DCPS: variants seen among roughly 807,000 people sequenced by gnomAD.
The protein encoded by DCPS is decapping enzyme, scavenger, also known as m7GpppX diphosphatase.
A neutral mutation model predicts 34.7 loss-of-function variants in DCPS; 27 were observed. That is an observed-to-expected ratio of 0.78 (90% CI 0.57 to 1.07). The LOEUF (loss-of-function observed/expected upper bound fraction) is 1.07. DCPS is among the 50% of genes least tolerant of loss of function. DCPS has a pLI of 0.00. For missense variants in DCPS, 464 were observed against 436.9 expected (o/e 1.06, Z -0.55); for synonymous variants, 185 against 185.7 (o/e 1.00, Z 0.03).
At chr11:126,310,929 GC>G (rs1479369795) in intron 2 of DCPS, among the ~76,000 whole-genome samples, 6 of 152,350 alleles carry the variant, frequency 3.9e-5, no homozygotes, top group African/African-American at 1.2e-4. Context: ...GCCTAGGGGA[GC>G]CCCCACCCCT....
intron 2 of DCPS, among the ~76,000 whole-genome samples, chr11:126,310,618 A>AC (rs1171906635): frequency 6.6e-6 from 1 of 152,152 alleles, no homozygotes; most frequent in Non-Finnish European, 1.5e-5. Context: ...CCACAAACTG[A>AC]CCTATGTGTA....
In DCPS at chr11:126,347,837, C is replaced by T. The variant is rs530062957; in HGVS notation, c.*2224C>T. On this transcript the variant is annotated 3_prime_UTR_variant, in exon 6 of 6. Coordinates refer to ENST00000263579, the MANE Select transcript of DCPS (RefSeq NM_014026.6). The surrounding 1 kb of genome is among the most constrained non-coding windows in gnomAD (Gnocchi z 4.2). ...GGGAAAGAAGTGACCCGCTTCCCCT[C>T]TGAAAGCAGATGTGGTCCCAACAAG... 1.3e-5 allele frequency among the ~76,000 whole-genome samples: 2 copies of T among 152,324 alleles called. No individual in the cohort carries two copies. Among genetic ancestry groups the T allele is most frequent in the East Asian group, 3.9e-4 (2 of 5,174 alleles).
chr11:126,326,866 T>G (rs910755874), intron 2 of DCPS, among the ~76,000 whole-genome samples: 3 of 150,814 alleles, frequency 2.0e-5, no homozygotes, highest in Non-Finnish European at 4.4e-5. Context: ...GAGCTTGCAG[T>G]GAGCCGAGAT....
rs76684327 is a variant in DCPS, at chr11:126,344,764, T to C, written c.748-583T>C. 0.013 allele frequency among the ~76,000 whole-genome samples: 2,012 copies of C among 152,220 alleles called. 39 individuals carry two copies. Among genetic ancestry groups the C allele is most frequent in the African/African-American group, 0.043 (1,779 of 41,524 alleles). On this transcript the variant is annotated intron_variant, in intron 5 of 5. Transcript: ENST00000263579. This position sits in a 1 kb window ranked among gnomAD's most constrained non-coding sequence, Gnocchi z 8.1. ...GGGAGCCAGGGCCAAAGTCAATGCTTTCCTCTTCTGCAAGGAGCCCGCTGA... is the reference window on the plus strand; with the variant it reads ...GGGAGCCAGGGCCAAAGTCAATGCTCTCCTCTTCTGCAAGGAGCCCGCTGA...
intron 2 of DCPS, among the ~76,000 whole-genome samples, chr11:126,307,154 GA>G (rs1176052450): frequency 2.0e-5 from 3 of 151,956 alleles, no homozygotes; most frequent in African/African-American, 4.8e-5. Context: ...CCAACATGGT[GA>G]AACCTCATCT....
Position 126,345,485 on chromosome 11 carries a change from C to T in DCPS, c.886C>T (p.His296Tyr), listed in dbSNP as rs1269744820. ...CCCCGGCTCAGGCGTGGAGCGGGCCCACCTGCTGGCTGAGGTGATCGAGAA... is the reference window on the plus strand; with the variant it reads ...CCCCGGCTCAGGCGTGGAGCGGGCCTACCTGCTGGCTGAGGTGATCGAGAA... The part of the protein sequence containing the change: ...EAPGSGVERA[H>Y]LLAEVIENLE... Residue 296 changes from histidine to tyrosine, a missense_variant, in exon 6 of 6, where the codon CAC becomes TAC. His to Tyr is a moderately conservative substitution (Grantham distance 83). Coordinates refer to ENST00000263579, the MANE Select transcript of DCPS (RefSeq NM_014026.6). The surrounding 1 kb of genome is among the most constrained non-coding windows in gnomAD (Gnocchi z 7.4). The T allele has an allele frequency of 6.2e-7, 1 of 1,614,054 alleles. No individual in the cohort carries two copies. The highest frequency in any genetic ancestry group is 1.7e-5 in the Admixed American group (1 of 60,010).
At chr11:126,343,131 G>T (rs1951889229) in intron 4 of DCPS, among the ~76,000 whole-genome samples, 176 bp from the exon 5 acceptor site, 1 of 151,030 alleles carries the variant, frequency 6.6e-6, no homozygotes, top group South Asian at 2.1e-4. Flanking sequence ...TACACAGTAG[G>T]CCTGCTCCTT....
chr11:126,314,075 C>A (rs1474754665), intron 2 of DCPS, among the ~76,000 whole-genome samples: 1 of 152,164 alleles, frequency 6.6e-6, no homozygotes, highest in African/African-American at 2.4e-5. Flanking sequence ...TGCAGGCTTC[C>A]CCTTCTTTGG....
chr11:126,345,575 C>A lies in DCPS; in HGVS notation c.976C>A (p.Pro326Thr). The change falls in exon 6 of 6, where the codon CCC becomes ACC. Residue 326 changes from proline to threonine, a missense_variant. Transcript: ENST00000263579. This position sits in a 1 kb window ranked among gnomAD's most constrained non-coding sequence, Gnocchi z 7.4. ...CACCTTCGCCCTCAGGGCTGACGAC[C>A]CCCTGCTCAAGCTCTTGCAGGAGGC... is the stretch of plus-strand genomic sequence containing the variant. ...TLTFALRADD[P>T]LLKLLQEAQQ... 9.3e-6 allele frequency: 15 copies of A among 1,613,690 alleles called. No individual in the cohort carries two copies. The highest frequency in any genetic ancestry group is 1.3e-5 in the Non-Finnish European group (15 of 1,180,012).
intron 2 of DCPS, among the ~76,000 whole-genome samples, chr11:126,309,973 G>A (rs1237547194): frequency 6.6e-6 from 1 of 151,970 alleles, no homozygotes; most frequent in Non-Finnish European, 1.5e-5. Context: ...TTGGTTTGCT[G>A]ATTGTACAAA....
intron 2 of DCPS, among the ~76,000 whole-genome samples, chr11:126,318,617 T>C (rs1252877171): frequency 6.6e-6 from 1 of 152,212 alleles, no homozygotes; most frequent in African/African-American, 2.4e-5. Flanking sequence ...TCTGCCTGGC[T>C]CTTGTGGAGA....
intron 2 of DCPS, among the ~76,000 whole-genome samples, chr11:126,324,448 C>A (rs1375822261): frequency 6.6e-6 from 1 of 151,568 alleles, no homozygotes; most frequent in Non-Finnish European, 1.5e-5. Context: ...ACACATTGTT[C>A]ATGTGCCTGT....
rs1951921624 is a variant in DCPS at position 126,345,830 on chromosome 11, G to A, written c.*217G>A. ...GGTAGAACCTGTGGGAAGGCCTTGAGAATGGTGGAAAGTCTCCAGGTGGTG... is the reference window on the plus strand; with the variant it reads ...GGTAGAACCTGTGGGAAGGCCTTGAAAATGGTGGAAAGTCTCCAGGTGGTG... On this transcript the variant is annotated 3_prime_UTR_variant, in exon 6 of 6. Transcript: ENST00000263579. The surrounding 1 kb of genome is among the most constrained non-coding windows in gnomAD (Gnocchi z 7.4). 1.5e-6 allele frequency: 1 copy of A among 685,358 alleles called. No individual in the cohort carries two copies. The highest frequency in any genetic ancestry group is 2.9e-5 in the East Asian group (1 of 35,078). 42.5% of individuals were successfully genotyped at this position (685,358 alleles called of 1,614,324 possible). A position where few individuals can be genotyped will look rare whatever the true frequency, so the allele number is the denominator to read the frequency against.
intron 2 of DCPS, among the ~76,000 whole-genome samples, chr11:126,316,313 A>AT (rs1167107644): frequency 2.0e-5 from 3 of 148,946 alleles, no homozygotes; most frequent in East Asian, 2.0e-4. Context: ...AAAACATGAG[A>AT]TTTTTTCCGT....
In DCPS at chr11:126,320,004, A is replaced by AT. The variant is rs11371505; in HGVS notation, c.377-11387dup. On this transcript the variant is annotated intron_variant, in intron 2 of 5. Coordinates refer to ENST00000263579, the MANE Select transcript of DCPS (RefSeq NM_014026.6). The surrounding 1 kb of genome is among the most constrained non-coding windows in gnomAD (Gnocchi z 4.7). Reference sequence around the variant, plus strand: ...AACATCTCAGAGTATGTCCTTTCAGATTTTTTTTTTTTTTGAGATGGAATC... The same window carrying AT: ...AACATCTCAGAGTATGTCCTTTCAGATTTTTTTTTTTTTTTGAGATGGAATC... 0.97 allele frequency among the ~76,000 whole-genome samples: 140,239 copies of AT among 144,660 alleles called. 67,966 individuals are homozygous for AT. The highest frequency in any genetic ancestry group is 0.99 in the East Asian group (4,938 of 4,964). 94.9% of individuals were successfully genotyped at this position (144,660 alleles called of 152,430 possible). A position where few individuals can be genotyped will look rare whatever the true frequency, so the allele number is the denominator to read the frequency against.
chr11:126,326,591 C>T (rs1459712889), intron 2 of DCPS, among the ~76,000 whole-genome samples: 1 of 152,170 alleles, frequency 6.6e-6, no homozygotes, highest in Non-Finnish European at 1.5e-5. Context: ...TCCAATCCTG[C>T]AGAAAAGTTG....
At chr11:126,324,903 G>T (rs1332691574) in intron 2 of DCPS, among the ~76,000 whole-genome samples, 1 of 152,078 alleles carries the variant, frequency 6.6e-6, no homozygotes, top group Non-Finnish European at 1.5e-5. Flanking sequence ...GCCTTCTCTG[G>T]CTGGGCACGG....
At position 126,331,473 on chromosome 11, in the gene DCPS, C is replaced by T. The variant is rs562800121; in HGVS notation, c.445C>T (p.Arg149Cys). ...GCAGAAGTACCTGCGCCAGGACCTC[C>T]GCCTGATCCGAGAGACGGGAGATGA... is the stretch of plus-strand genomic sequence containing the variant. ...HLQKYLRQDL[R>C]LIRETGDDYR... Residue 149 changes from arginine to cysteine, a missense_variant, in exon 3 of 6, where the codon CGC becomes TGC. Physicochemically the swap from Arg to Cys is radical, Grantham distance 180 (BLOSUM62 -3). Transcript: ENST00000263579. This position sits in a 1 kb window ranked among gnomAD's most constrained non-coding sequence, Gnocchi z 7.2. The T allele has an allele frequency of 4.3e-5, 69 of 1,614,138 alleles. No homozygotes were observed. The highest frequency in any genetic ancestry group is 1.1e-4 in the African/African-American group (8 of 75,040).
rs540893249 is a variant in DCPS, at chr11:126,307,087, T to C, written c.376+343T>C. 2.4e-4 allele frequency among the ~76,000 whole-genome samples: 37 copies of C among 152,174 alleles called. No individual in the cohort carries two copies. In the East Asian group the frequency reaches 6.6e-3, roughly 27 times the overall value. ...GCCCACACCTGTAATCCCAGCACTT[T>C]GGGAGGCCACGGCGGGCAGATCACC... On this transcript the variant is annotated intron_variant, in intron 2 of 5. Transcript: ENST00000263579.
Sources: allele counts gnomAD v4.1 joint callset (sites outside exome capture counted in the v4.1 genomes callset), GRCh38; gene constraint gnomAD v4.1.1; non-coding constraint Gnocchi (gnomAD v3.1); transcripts MANE v1.5; gene names NCBI Gene and HGNC (gene_info 2026-07-23, HGNC 2026-07-21).